The following PTPRO variants were observed in gnomAD, a reference collection of about 807,000 sequenced individuals.
PTPRO encodes protein tyrosine phosphatase receptor type O.
PTPRO carries 62 observed loss-of-function variants against 145.2 expected under a neutral mutation model. That is an observed-to-expected ratio of 0.43 (90% confidence interval 0.35 to 0.53). PTPRO has a LOEUF of 0.53. PTPRO is among the 20% of genes least tolerant of loss of function. PTPRO has a pLI of 0.01. For missense variants in PTPRO, 1,345 were observed against 1,482.7 expected, an observed-to-expected ratio of 0.91 and a Z score of 1.53; for synonymous variants, 565 against 514.7, an observed-to-expected ratio of 1.10 and a Z score of -1.32.
rs1941832728 is a variant in PTPRO, at chr12:15,483,956, TTC to T, written c.76-16_76-15del. On this transcript the variant is annotated splice_polypyrimidine_tract_variant and intron_variant, in intron 1 of 26. Transcript: ENST00000281171. ...TGAATATAACCTCCATCTCTTTTTA[TTC>T]TGTTTCATTCAACAGAATGCTACAG... 6.2e-6 allele frequency: 10 copies of T among 1,610,584 alleles called. No homozygotes were observed. Among genetic ancestry groups the T allele is most frequent in the Non-Finnish European group, 6.8e-6 (8 of 1,177,256 alleles).
At chr12:15,398,371 T>A (rs1939400294) in intron 1 of PTPRO, among the ~76,000 whole-genome samples, 1 of 152,180 alleles carries the variant, frequency 6.6e-6, no homozygotes. Context: ...TGTGCATTTT[T>A]ACTTTCTCTC....
intron 1 of PTPRO, among the ~76,000 whole-genome samples, chr12:15,458,883 G>T (rs1047152887): frequency 6.6e-6 from 1 of 151,922 alleles, no homozygotes; most frequent in Non-Finnish European, 1.5e-5. Flanking sequence ...ATATTTACCT[G>T]GTTGTTTTTC....
intron 6 of PTPRO, among the ~76,000 whole-genome samples, chr12:15,506,450 T>C (rs1389562574): frequency 6.6e-6 from 1 of 152,204 alleles, no homozygotes; most frequent in Non-Finnish European, 1.5e-5. Context: ...TATAAAGAAC[T>C]ACTTGAGACT....
intron 1 of PTPRO, among the ~76,000 whole-genome samples, chr12:15,459,005 A>G (rs1238555759): frequency 6.6e-6 from 1 of 152,146 alleles, no homozygotes. Context: ...GCCTGACCAG[A>G]GATTCTGGGG....
chr12:15,391,926 T>C (rs1035457413), intron 1 of PTPRO, among the ~76,000 whole-genome samples: 7 of 152,164 alleles, frequency 4.6e-5, no homozygotes, highest in African/African-American at 1.7e-4. Context: ...GACAGCACCA[T>C]ATAACAGCCA....
At chr12:15,426,241 CTATT>C (rs1312030546) in intron 1 of PTPRO, among the ~76,000 whole-genome samples, 2 of 151,660 alleles carry the variant, frequency 1.3e-5, no homozygotes, top group African/African-American at 2.4e-5. Flanking sequence ...TACAGAAAAA[CTATT>C]AATGTTTGCA....
chr12:15,387,910 T>A (rs1370927765), intron 1 of PTPRO, among the ~76,000 whole-genome samples: 1 of 151,944 alleles, frequency 6.6e-6, no homozygotes, highest in Non-Finnish European at 1.5e-5. Flanking sequence ...ATTCAAAGGG[T>A]TTTTCTTGGT....
chr12:15,549,864 A>G (rs1186779366), intron 14 of PTPRO, among the ~76,000 whole-genome samples: 2 of 152,206 alleles, frequency 1.3e-5, no homozygotes, highest in South Asian at 2.1e-4. Flanking sequence ...AATATTAGTC[A>G]TATATTTAGC....
intron 1 of PTPRO, among the ~76,000 whole-genome samples, chr12:15,416,757 C>T (rs1156710395): frequency 5.4e-5 from 8 of 148,296 alleles, no homozygotes; most frequent in Admixed American, 1.3e-4. Flanking sequence ...ATGCTCCTCT[C>T]TTTCTCTAAG....
chr12:15,573,214 C>A (rs1944099785), intron 19 of PTPRO, among the ~76,000 whole-genome samples: 1 of 152,114 alleles, frequency 6.6e-6, no homozygotes, highest in Non-Finnish European at 1.5e-5. Context: ...GTTGAGTTTG[C>A]AGTTTTGAGT....
At chr12:15,532,678 G>T (rs779614376) in intron 12 of PTPRO, among the ~76,000 whole-genome samples, 1 of 152,130 alleles carries the variant, frequency 6.6e-6, no homozygotes, top group Non-Finnish European at 1.5e-5. Context: ...TAAATTCTAC[G>T]AATGTGGAGA....
chr12:15,521,949 C>A (rs553582564), intron 10 of PTPRO, among the ~76,000 whole-genome samples: 32 of 152,278 alleles, frequency 2.1e-4, no homozygotes, highest in African/African-American at 7.5e-4. Context: ...ACCTGGTAAG[C>A]AGTCTGTTGT....
At chr12:15,402,912 A>G (rs1294404256) in intron 1 of PTPRO, among the ~76,000 whole-genome samples, 2 of 152,222 alleles carry the variant, frequency 1.3e-5, no homozygotes, top group Non-Finnish European at 2.9e-5. Context: ...TGTCACAGTC[A>G]GTACAAAAAT....
chr12:15,569,172 G>T (rs1943978853), intron 18 of PTPRO, among the ~76,000 whole-genome samples: 1 of 152,000 alleles, frequency 6.6e-6, no homozygotes, highest in Non-Finnish European at 1.5e-5. Flanking sequence ...TACTGCTACA[G>T]TAAGAGCCAA....
chr12:15,445,794 A>G (rs1011661489), intron 1 of PTPRO, among the ~76,000 whole-genome samples: 1 of 152,096 alleles, frequency 6.6e-6, no homozygotes, highest in Non-Finnish European at 1.5e-5. Flanking sequence ...TGATTTCCTT[A>G]TTGTAAATTA....
intron 18 of PTPRO, among the ~76,000 whole-genome samples, chr12:15,567,445 T>C (rs920223198): frequency 2.6e-5 from 4 of 152,104 alleles, no homozygotes; most frequent in Non-Finnish European, 5.9e-5. Context: ...AGCTTTCTTT[T>C]TCTTCTCCTT....
intron 1 of PTPRO, among the ~76,000 whole-genome samples, chr12:15,339,804 C>T (rs568374379): frequency 2.6e-4 from 40 of 152,108 alleles, no homozygotes; most frequent in Non-Finnish European, 4.1e-4. Context: ...TATATGCTCC[C>T]ATACTTGTAG....
At chr12:15,448,361 G>C (rs868154328) in intron 1 of PTPRO, among the ~76,000 whole-genome samples, 5 of 11,900 alleles carry the variant, frequency 4.2e-4, no homozygotes, top group South Asian at 5.0e-3. Flanking sequence ...AAAAAAAAAA[G>C]CACCGATTGA....
chr12:15,425,896 A>G (rs1338783589), intron 1 of PTPRO, among the ~76,000 whole-genome samples: 1 of 151,994 alleles, frequency 6.6e-6, no homozygotes, highest in African/African-American at 2.4e-5. Context: ...ATTTATTTAT[A>G]AATTCCTCCA....
Sources: allele counts gnomAD v4.1 joint callset (sites outside exome capture counted in the v4.1 genomes callset), GRCh38; gene constraint gnomAD v4.1.1; transcripts MANE v1.5; gene names NCBI Gene and HGNC (gene_info 2026-07-23, HGNC 2026-07-21).